METTL8: variants seen among roughly 807,000 people sequenced by gnomAD.
METTL8 encodes the protein tRNA N(3)-cytidine methyltransferase METTL8, mitochondrial.
A neutral mutation model predicts 48.7 loss-of-function variants in METTL8; 32 were observed. That is an observed-to-expected ratio of 0.66 (90% CI 0.50 to 0.88). METTL8 has a LOEUF of 0.88. Ranked by LOEUF, METTL8 falls within the 40% of genes least tolerant of loss-of-function variation. The pLI is 0.00. For synonymous variants in METTL8, 136 were observed against 157.1 expected, an observed-to-expected ratio of 0.87 and a Z score of 1.01; for missense variants, 464 against 474.4, an observed-to-expected ratio of 0.98 and a Z score of 0.20.
chr2:171,387,331 A>G (rs550447964), intron 2 of METTL8, among the ~76,000 whole-genome samples: 1 of 152,174 alleles, frequency 6.6e-6, no homozygotes, highest in East Asian at 1.9e-4. Flanking sequence ...GGGGCACTGA[A>G]GAAGTGAGCC....
chr2:171,427,891 C>T (rs1022888266), intron 1 of METTL8, among the ~76,000 whole-genome samples: 1 of 152,160 alleles, frequency 6.6e-6, no homozygotes, highest in Non-Finnish European at 1.5e-5. Context: ...AAAACAAAAA[C>T]ATGTTGAACA....
intron 1 of METTL8, among the ~76,000 whole-genome samples, chr2:171,430,576 C>T (rs1692908773): frequency 1.3e-5 from 2 of 151,992 alleles, no homozygotes; most frequent in Non-Finnish European, 2.9e-5. Context: ...TATGGGTGTT[C>T]GGAGCTGCTG....
At chr2:171,361,387 C>T (rs1342531034) in intron 2 of METTL8, among the ~76,000 whole-genome samples, 1 of 151,832 alleles carries the variant, frequency 6.6e-6, no homozygotes, top group Non-Finnish European at 1.5e-5. Context: ...AGAAGAAAAA[C>T]CCCTAACACT....
chr2:171,392,781 G>A (rs1274825388), intron 1 of METTL8, among the ~76,000 whole-genome samples: 1 of 152,028 alleles, frequency 6.6e-6, no homozygotes, highest in East Asian at 1.9e-4. Context: ...TAATATGGAT[G>A]CAAAATAGAT....
intron 2 of METTL8, among the ~76,000 whole-genome samples, chr2:171,382,556 G>A (rs1687657060): frequency 6.6e-6 from 1 of 152,074 alleles, no homozygotes; most frequent in Non-Finnish European, 1.5e-5. Context: ...GCCTGTCCAG[G>A]GGTGGAGGGC....
chr2:171,377,972 T>A (rs965437910), intron 2 of METTL8, among the ~76,000 whole-genome samples: 1 of 152,038 alleles, frequency 6.6e-6, no homozygotes, highest in Non-Finnish European at 1.5e-5. Context: ...GCAGCACAAT[T>A]TGCAATTGCA....
intron 3 of METTL8, among the ~76,000 whole-genome samples, chr2:171,346,916 T>C (rs180822935): frequency 2.4e-4 from 36 of 152,346 alleles, no homozygotes; most frequent in Admixed American, 8.5e-4. Context: ...TGGCTCTCAC[T>C]GTAACGTCCT....
At chr2:171,371,549 G>A (rs941684175) in intron 2 of METTL8, among the ~76,000 whole-genome samples, 7 of 151,746 alleles carry the variant, frequency 4.6e-5, no homozygotes, top group South Asian at 2.1e-4. Context: ...TAGAGATGAC[G>A]TTTCACCATA....
At chr2:171,372,261 G>A (rs1238500383) in intron 2 of METTL8, among the ~76,000 whole-genome samples, 2 of 151,874 alleles carry the variant, frequency 1.3e-5, no homozygotes, top group Non-Finnish European at 2.9e-5. Flanking sequence ...ATAGCAAGAT[G>A]GGAAATAGGT....
At chr2:171,422,536 T>A (rs1691980231) in intron 1 of METTL8, among the ~76,000 whole-genome samples, 1 of 152,160 alleles carries the variant, frequency 6.6e-6, no homozygotes, top group Non-Finnish European at 1.5e-5. Context: ...ATAAGCCACA[T>A]ATTGGGAGAA....
intron 3 of METTL8, among the ~76,000 whole-genome samples, chr2:171,339,760 TG>T (rs1317036962): frequency 6.6e-6 from 1 of 152,314 alleles, no homozygotes; most frequent in African/African-American, 2.4e-5. Context: ...TGTCAAAATG[TG>T]GGATATTTAG....
intron 1 of METTL8, among the ~76,000 whole-genome samples, chr2:171,408,688 G>A (rs927214695): frequency 1.3e-4 from 20 of 152,112 alleles, no homozygotes; most frequent in Non-Finnish European, 1.6e-4. Flanking sequence ...TTCAGGTGGC[G>A]CTGAAGGGTA....
chr2:171,399,673 A>G (rs1689453790), intron 1 of METTL8, among the ~76,000 whole-genome samples: 1 of 152,222 alleles, frequency 6.6e-6, no homozygotes. Context: ...TCAACAAACT[A>G]TAACATATGC....
intron 5 of METTL8, 73 bp from the exon 6 acceptor site, chr2:171,331,940 T>C: frequency 9.1e-7 from 1 of 1,102,624 alleles, no homozygotes; most frequent in Non-Finnish European, 1.3e-6. Context: ...GGTTGGAGTG[T>C]AGTAACGTGA....
chr2:171,365,822 G>C (rs1371676127), intron 2 of METTL8, among the ~76,000 whole-genome samples: 2 of 152,132 alleles, frequency 1.3e-5, no homozygotes, highest in African/African-American at 2.4e-5. Flanking sequence ...TTAAACACTG[G>C]ACTACACTTC....
intron 3 of METTL8, among the ~76,000 whole-genome samples, chr2:171,349,070 C>T (rs1683599836): frequency 6.6e-6 from 1 of 152,084 alleles, no homozygotes; most frequent in Admixed American, 6.6e-5. Flanking sequence ...TGAGTATATT[C>T]ATATTGTTGT....
At chr2:171,391,642 T>C (rs1688587945) in intron 2 of METTL8, among the ~76,000 whole-genome samples, 1 of 152,210 alleles carries the variant, frequency 6.6e-6, no homozygotes, top group Non-Finnish European at 1.5e-5. Context: ...ATGATCTCCC[T>C]GGTGCTCAGT....
intron 3 of METTL8, among the ~76,000 whole-genome samples, chr2:171,357,013 G>A (rs898771119): frequency 2.1e-5 from 3 of 141,064 alleles, no homozygotes; most frequent in Admixed American, 7.7e-5. Flanking sequence ...GTGCAGTGGT[G>A]CAAAAGTGAT....
intron 1 of METTL8, among the ~76,000 whole-genome samples, chr2:171,407,252 G>A (rs1233173938): frequency 1.3e-5 from 2 of 152,024 alleles, no homozygotes; most frequent in African/African-American, 4.8e-5. Flanking sequence ...AGGCTGAGGT[G>A]GGAGGATCAC....
Sources: allele counts gnomAD v4.1 joint callset (sites outside exome capture counted in the v4.1 genomes callset), GRCh38; gene constraint gnomAD v4.1.1; transcripts MANE v1.5; gene names NCBI Gene and HGNC (gene_info 2026-07-23, HGNC 2026-07-21).